The following PAN3 variants were observed in gnomAD, a reference collection of about 807,000 sequenced individuals.
The protein encoded by PAN3 is poly(A) specific ribonuclease subunit PAN3, also known as PAN2-PAN3 deadenylation complex subunit PAN3.
In PAN3, 19 loss-of-function variants were observed where a neutral mutation model predicts 96.2. The observed-to-expected ratio is 0.20, with a 90% CI of 0.14 to 0.29. The LOEUF is 0.29. Among genes scored for constraint, PAN3 ranks in the 10% least tolerant of loss-of-function variants. The pLI is 1.00. For synonymous variants in PAN3, 433 were observed against 406.6 expected, an observed-to-expected ratio of 1.06 and a Z score of -0.78; for missense variants, 882 against 1,108.1, an observed-to-expected ratio of 0.80 and a Z score of 2.90.
chr13:28,267,108 T>A lies in PAN3; in HGVS notation c.1587T>A (p.Val529=), dbSNP rs1422245521. 6.2e-7 allele frequency: 1 copy of A among 1,603,970 alleles called. No homozygotes were observed. Among genetic ancestry groups the A allele is most frequent in the East Asian group, 2.2e-5 (1 of 44,608 alleles). ...CLRRIHGFRL[V]NTKCMVLVDM... is the part of the protein sequence containing the mutation. ...ATTGTCTTCCAGGTTTTCGTCTTGT[T>A]AACACAAAGTGCATGGTGTTGGTCG... The change falls in exon 11 of 19, where the codon GTT becomes GTA. Residue 529 remains valine (V), a synonymous_variant. Transcript: ENST00000380958.
chr13:28,207,789 T>C (rs1177741656), intron 5 of PAN3, among the ~76,000 whole-genome samples: 2 of 152,192 alleles, frequency 1.3e-5, no homozygotes, highest in Non-Finnish European at 1.5e-5. Context: ...GTAGATAATA[T>C]ATGTCTTTTG....
intron 5 of PAN3, among the ~76,000 whole-genome samples, chr13:28,205,153 A>G (rs1205004744): frequency 6.6e-6 from 1 of 151,740 alleles, no homozygotes; most frequent in East Asian, 1.9e-4. Flanking sequence ...GTCTTTACTC[A>G]CTGGGTTTTG....
intron 1 of PAN3, among the ~76,000 whole-genome samples, chr13:28,149,828 G>T (rs906747687): frequency 2.0e-5 from 3 of 152,062 alleles, no homozygotes; most frequent in African/African-American, 7.2e-5. Context: ...TGTTGCCCAG[G>T]ATGGTCTTGA....
At chr13:28,223,597 C>T (rs1229494230) in intron 6 of PAN3, among the ~76,000 whole-genome samples, 2 of 150,620 alleles carry the variant, frequency 1.3e-5, no homozygotes, top group African/African-American at 2.4e-5. Context: ...GAGTTTTGCT[C>T]TTGTTGCCCA....
chr13:28,178,284 G>A (rs1745163586), intron 4 of PAN3, among the ~76,000 whole-genome samples: 1 of 151,958 alleles, frequency 6.6e-6, no homozygotes, highest in Non-Finnish European at 1.5e-5. Flanking sequence ...TTTATTTTTT[G>A]ATGGCTTTAT....
chr13:28,221,256 T>G (rs1333402701), intron 6 of PAN3, among the ~76,000 whole-genome samples: 1 of 152,110 alleles, frequency 6.6e-6, no homozygotes, highest in African/African-American at 2.4e-5. Flanking sequence ...CTGAGCAGAT[T>G]GGTATCTTAT....
At chr13:28,257,760 T>TATA (rs1566235285) in intron 7 of PAN3, among the ~76,000 whole-genome samples, 1 of 112,526 alleles carries the variant, frequency 8.9e-6, no homozygotes, top group Non-Finnish European at 2.0e-5. Context: ...ATATAATTAA[T>TATA]TATATATTAT....
intron 18 of PAN3, among the ~76,000 whole-genome samples, chr13:28,289,688 T>C (rs890190359): frequency 6.6e-6 from 1 of 152,150 alleles, no homozygotes; most frequent in Non-Finnish European, 1.5e-5. Context: ...GAGACCATCC[T>C]GGCTAACACG....
Position 28,188,450 on chromosome 13 carries a change from A to G in PAN3, c.691-8735A>G, listed in dbSNP as rs368410382. 3.0e-4 allele frequency among the ~76,000 whole-genome samples: 45 copies of G among 152,292 alleles called. No individual in the cohort carries two copies. The East Asian group carries it at 5.0e-3, about 17-fold the overall frequency. ...CTGGTCTCCACAAAAAATTTTAAAC[A>G]GTTAATGGAGCATGGTGGTGTGCAC... On this transcript the variant is annotated intron_variant, in intron 4 of 18. Coordinates refer to ENST00000380958, the MANE Select transcript of PAN3 (RefSeq NM_175854.8).
At chr13:28,181,696 CTGTTAGGAGATAAACACTGAAAATAAA>C (rs1875811398) in intron 4 of PAN3, among the ~76,000 whole-genome samples, 1 of 152,206 alleles carries the variant, frequency 6.6e-6, no homozygotes, top group Admixed American at 6.5e-5. Context: ...TGTGAATTGT[CTGTTAGGAGATAAACACTGAAAATAAA>C]TGTCTAGAGA....
At chr13:28,264,399 C>T (rs990712871) in intron 9 of PAN3, among the ~76,000 whole-genome samples, 2 of 151,988 alleles carry the variant, frequency 1.3e-5, no homozygotes, top group African/African-American at 2.4e-5. Flanking sequence ...ATTAGCCAGG[C>T]GTGGTGGTGC....
intron 2 of PAN3, 38 bp downstream of exon 2, chr13:28,174,431 T>A: frequency 6.3e-7 from 1 of 1,598,944 alleles, no homozygotes; most frequent in Non-Finnish European, 8.6e-7. Flanking sequence ...CTATGAAGTT[T>A]ATTCTAGGGC....
chr13:28,160,642 C>G (rs33963562), intron 1 of PAN3, among the ~76,000 whole-genome samples: 18,598 of 152,134 alleles, frequency 0.12, 1,302 homozygotes, highest in East Asian at 0.33. Flanking sequence ...CCATATATAT[C>G]TTAAAGAACT....
At chr13:28,235,088 C>G (rs1328961714) in intron 6 of PAN3, among the ~76,000 whole-genome samples, 2 of 152,184 alleles carry the variant, frequency 1.3e-5, no homozygotes, top group Non-Finnish European at 2.9e-5. Flanking sequence ...GTCATTCTTT[C>G]CCTTGTGTAC....
intron 14 of PAN3, among the ~76,000 whole-genome samples, chr13:28,275,560 A>G (rs1170327446): frequency 6.6e-6 from 1 of 152,238 alleles, no homozygotes; most frequent in African/African-American, 2.4e-5. Context: ...TGAATCGCCC[A>G]TAGAAATTTA....
intron 5 of PAN3, among the ~76,000 whole-genome samples, chr13:28,203,583 A>G (rs1238806795): frequency 6.6e-6 from 1 of 152,180 alleles, no homozygotes; most frequent in Non-Finnish European, 1.5e-5. Context: ...TGCTGGGATT[A>G]CAGGTGTGAG....
At chr13:28,155,021 G>T (rs1871946321) in intron 1 of PAN3, among the ~76,000 whole-genome samples, 1 of 149,308 alleles carries the variant, frequency 6.7e-6, no homozygotes, top group Admixed American at 6.7e-5. Context: ...GTAGAGACGG[G>T]GTTTCACCGT....
chr13:28,225,269 A>C (rs557888031), intron 6 of PAN3, among the ~76,000 whole-genome samples: 6 of 152,330 alleles, frequency 3.9e-5, no homozygotes, highest in African/African-American at 1.4e-4. Flanking sequence ...TTGTTCAGAA[A>C]TATCAAAACT....
At chr13:28,222,124 C>CA (rs992382096) in intron 6 of PAN3, among the ~76,000 whole-genome samples, 2 of 151,438 alleles carry the variant, frequency 1.3e-5, no homozygotes, top group Non-Finnish European at 2.9e-5. Flanking sequence ...ACATGCCATT[C>CA]AAAAAAAATT....
Sources: gnomAD v4.1 joint callset for allele counts (sites outside exome capture counted in the v4.1 genomes callset) on GRCh38, gnomAD v4.1.1 for gene constraint, MANE v1.5 for transcripts, NCBI Gene and HGNC (gene_info 2026-07-23, HGNC 2026-07-21) for gene names.